Variants in WWC1 observed in about 807,000 individuals in gnomAD.
WWC1 encodes the protein WW and C2 domain containing 1.
In WWC1, 55 loss-of-function variants were observed where a neutral mutation model predicts 138.4. The observed-to-expected ratio is 0.40, with a 90% CI of 0.32 to 0.50. WWC1 has a LOEUF of 0.50. Among genes scored for constraint, WWC1 ranks in the 20% least tolerant of loss-of-function variants. The pLI is 0.72. For missense variants in WWC1, 1,226 were observed against 1,420.4 expected, an observed-to-expected ratio of 0.86 and a Z score of 2.20; for synonymous variants, 524 against 564.9, an observed-to-expected ratio of 0.93 and a Z score of 1.03.
At chr5:168,427,915 T>A in intron 11 of WWC1, 118 bp from the exon 12 acceptor site, 1 of 735,862 alleles carries the variant, frequency 1.4e-6, no homozygotes. Flanking sequence ...GAGCCATGAT[T>A]GTGCCACTGC....
chr5:168,415,061 A>C, intron 9 of WWC1: 1 of 167,024 alleles, frequency 6.0e-6, no homozygotes, highest in South Asian at 1.5e-4. Flanking sequence ...ATTTCACCCC[A>C]TGCTAAGTAA....
chr5:168,311,046 C>T (rs376169010), intron 1 of WWC1, among the ~76,000 whole-genome samples: 1 of 152,176 alleles, frequency 6.6e-6, no homozygotes, highest in East Asian at 1.9e-4. Flanking sequence ...TTGCTGAGTT[C>T]TCTTCATTGG....
intron 1 of WWC1, among the ~76,000 whole-genome samples, chr5:168,314,102 G>C (rs1771360474): frequency 6.6e-6 from 1 of 152,204 alleles, no homozygotes; most frequent in South Asian, 2.1e-4. Flanking sequence ...ACTCATGGCA[G>C]GGTGGTGCCT....
chr5:168,467,392 A>C (rs555554340), intron 21 of WWC1, among the ~76,000 whole-genome samples: 6 of 152,218 alleles, frequency 3.9e-5, no homozygotes, highest in African/African-American at 1.4e-4. Context: ...ATACGTTTAC[A>C]TTAGGAGGAA....
At position 168,408,548 on chromosome 5, in the gene WWC1, G is replaced by T. The variant is rs746340250; in HGVS notation, c.762G>T (p.Gly254=). ...AGGACGGCTTCCGCACTGACAGGGG[G>T]TCTCACTCAGACCTGTGGTCCAGCA... The part of the protein sequence containing the change: ...MLKDGFRTDR[G]SHSDLWSSSS... Residue 254 remains glycine (G), a synonymous_variant, in exon 7 of 23, where the codon GGG becomes GGT. Coordinates refer to ENST00000265293, the MANE Select transcript of WWC1 (RefSeq NM_015238.3). 6.2e-7 allele frequency: 1 copy of T among 1,614,200 alleles called. No homozygotes were observed. Among genetic ancestry groups the T allele is most frequent in the South Asian group, 1.1e-5 (1 of 91,078 alleles).
chr5:168,464,640 G>A, intron 20 of WWC1, 89 bp from the exon 21 acceptor site: 2 of 1,550,368 alleles, frequency 1.3e-6, no homozygotes, highest in Non-Finnish European at 1.7e-6. Context: ...ATGCCTACAA[G>A]AGAGGGTATT....
intron 1 of WWC1, among the ~76,000 whole-genome samples, chr5:168,359,573 T>C (rs1324702752): frequency 6.6e-6 from 1 of 152,248 alleles, no homozygotes; most frequent in African/African-American, 2.4e-5. Context: ...CATTATTGTA[T>C]GTGCCATAAG....
In WWC1 at chr5:168,292,040, C is replaced by G. The variant is rs1450402344; in HGVS notation, c.-113C>G. The G allele has an allele frequency of 2.3e-6, 3 of 1,316,054 alleles. No individual in the cohort carries two copies. Among genetic ancestry groups the G allele is most frequent in the Non-Finnish European group, 2.9e-6 (3 of 1,020,846 alleles). The allele number at this position is 1,316,054 out of a possible 1,614,324, so 81.5% of individuals were successfully genotyped here. A position where few individuals can be genotyped will look rare whatever the true frequency, so the allele number is the denominator to read the frequency against. On this transcript the variant is annotated 5_prime_UTR_variant, in exon 1 of 23. Transcript: ENST00000265293. This position sits in a 1 kb window ranked among gnomAD's most constrained non-coding sequence, Gnocchi z 4.4. ...GGGCCCCCCATCTGCGGGCGCCACC[C>G]CCCGGATCATGGTGCCTCGGCGGCC...
At chr5:168,382,898 G>A (rs563771208) in intron 2 of WWC1, among the ~76,000 whole-genome samples, 68 of 152,224 alleles carry the variant, frequency 4.5e-4, no homozygotes, top group Admixed American at 1.2e-3. Flanking sequence ...GTCCTAGGCT[G>A]GGCACAGTGC....
intron 17 of WWC1, among the ~76,000 whole-genome samples, chr5:168,446,412 G>A (rs1014706880): frequency 1.3e-5 from 2 of 152,064 alleles, no homozygotes; most frequent in Non-Finnish European, 2.9e-5. Context: ...TATGAGAAAG[G>A]TCTCATCATA....
At chr5:168,323,203 C>A (rs1772260090) in intron 1 of WWC1, among the ~76,000 whole-genome samples, 1 of 151,962 alleles carries the variant, frequency 6.6e-6, no homozygotes, top group Non-Finnish European at 1.5e-5. Flanking sequence ...AGATCAGATG[C>A]TGTAAAAAAA....
intron 19 of WWC1, among the ~76,000 whole-genome samples, chr5:168,457,145 T>TTTC (rs1337181457): frequency 2.0e-5 from 3 of 151,292 alleles, no homozygotes; most frequent in African/African-American, 7.3e-5. Flanking sequence ...AGGGCATTTT[T>TTTC]TTTTTTTTTT....
At position 168,314,117 on chromosome 5, in the gene WWC1, G is replaced by T. The variant is rs1220739312; in HGVS notation, c.119+21846G>T. On this transcript the variant is annotated intron_variant, in intron 1 of 22. Transcript: ENST00000265293. The stretch of plus-strand genomic sequence containing the variant: ...ACTCATGGCAGGGTGGTGCCTGTTG[G>T]CTCTAATAAGCAATGAGGTGGCAGG... 7.2e-5 allele frequency among the ~76,000 whole-genome samples: 11 copies of T among 152,228 alleles called. 1 individual carries two copies. The highest frequency in any genetic ancestry group is 1.6e-4 in the Non-Finnish European group (11 of 68,040).
At chr5:168,357,483 T>C (rs367771785) in intron 1 of WWC1, among the ~76,000 whole-genome samples, 5 of 79,158 alleles carry the variant, frequency 6.3e-5, no homozygotes, top group South Asian at 4.8e-4. Flanking sequence ...TGTGTGTGTG[T>C]GTGTGTGTGT....
intron 13 of WWC1, among the ~76,000 whole-genome samples, chr5:168,429,352 G>A (rs977791537): frequency 1.3e-5 from 2 of 148,976 alleles, no homozygotes; most frequent in South Asian, 2.1e-4. Context: ...TCTGCCTCCT[G>A]GGTTCAAGCG....
At chr5:168,448,005 A>G (rs1582336159) in intron 17 of WWC1, among the ~76,000 whole-genome samples, 2 of 152,088 alleles carry the variant, frequency 1.3e-5, no homozygotes, top group African/African-American at 4.8e-5. Flanking sequence ...GTTTCCACCA[A>G]ATTCCAAGCT....
At chr5:168,317,596 C>T (rs567709904) in intron 1 of WWC1, among the ~76,000 whole-genome samples, 5 of 152,280 alleles carry the variant, frequency 3.3e-5, no homozygotes, top group African/African-American at 1.2e-4. Flanking sequence ...GTCCTATTTC[C>T]CCCATTGCCT....
chr5:168,454,058 C>T lies in WWC1; in HGVS notation c.2616C>T (p.Thr872=), dbSNP rs771813160. 49 of 1,612,824 alleles carry T rather than the reference C, an allele frequency of 3.0e-5. No individual in the cohort carries two copies. Among genetic ancestry groups the T allele is most frequent in the Middle Eastern group, 1.7e-4 (1 of 5,826 alleles). The change falls in exon 18 of 23, where the codon ACC becomes ACT. Residue 872 remains threonine (T), a synonymous_variant. Transcript: ENST00000265293. The part of the protein sequence containing the change: ...EEEEGEEDVF[T]EKASPDMDGY... ...AGGAGGGAGAAGAGGATGTTTTCAC[C>T]GAGAAAGCCTCACCTGATATGGATG...
At chr5:168,381,336 G>A (rs1385616762) in intron 2 of WWC1, among the ~76,000 whole-genome samples, 1 of 152,156 alleles carries the variant, frequency 6.6e-6, no homozygotes, top group South Asian at 2.1e-4. Context: ...CACTGTGGGA[G>A]GGTCCACCTA....
Sources: gnomAD v4.1 joint callset for allele counts (sites outside exome capture counted in the v4.1 genomes callset) on GRCh38, gnomAD v4.1.1 for gene constraint, Gnocchi (gnomAD v3.1) non-coding constraint, MANE v1.5 for transcripts, NCBI Gene and HGNC (gene_info 2026-07-23, HGNC 2026-07-21) for gene names.